The following CAPZA2 variants were observed in gnomAD, a reference collection of about 807,000 sequenced individuals.
CAPZA2 encodes F-actin-capping protein subunit alpha-2.
CAPZA2 carries 13 observed loss-of-function variants against 44.0 expected under a neutral mutation model. That is an observed-to-expected ratio of 0.30 (90% confidence interval 0.19 to 0.47). The LOEUF (loss-of-function observed/expected upper bound fraction) is 0.47. Ranked by LOEUF, CAPZA2 falls within the 20% of genes least tolerant of loss-of-function variation. CAPZA2 has a pLI of 1.00. For synonymous variants in CAPZA2, 94 were observed against 108.2 expected, an observed-to-expected ratio of 0.87 and a Z score of 0.81; for missense variants, 244 against 338.6, an observed-to-expected ratio of 0.72 and a Z score of 2.19.
At chr7:116,887,758 A>G (rs1012459281) in intron 1 of CAPZA2, among the ~76,000 whole-genome samples, 2 of 152,262 alleles carry the variant, frequency 1.3e-5, no homozygotes, top group Non-Finnish European at 2.9e-5. Context: ...ACGTAAACCC[A>G]GGTGGCAGAA....
chr7:116,887,563 G>C (rs1032505585), intron 1 of CAPZA2, among the ~76,000 whole-genome samples: 2 of 152,074 alleles, frequency 1.3e-5, no homozygotes, highest in Non-Finnish European at 2.9e-5. Flanking sequence ...CAGATGTGGT[G>C]GCTCACACCT....
intron 5 of CAPZA2, 21 bp downstream of exon 5, chr7:116,904,404 T>TTG (rs754905566): frequency 2.0e-6 from 3 of 1,480,040 alleles, no homozygotes; most frequent in Non-Finnish European, 2.8e-6. Context: ...AGTAGCAGCT[T>TTG]TGTGTGTGTG....
chr7:116,920,946 G>T lies in CAPZA2; in HGVS notation c.*3079G>T, dbSNP rs1435126493. On this transcript the variant is annotated 3_prime_UTR_variant, in exon 10 of 10. Coordinates refer to ENST00000361183, the MANE Select transcript of CAPZA2 (RefSeq NM_006136.3). The stretch of plus-strand genomic sequence containing the variant: ...CCCAGAGTGAATGACCACATGAAGA[G>T]GGGCAGGGTATGATGATGGTCTGTG... 1 of 152,242 alleles carries T rather than the reference G, an allele frequency of 6.6e-6. No individual in the cohort carries two copies. Among genetic ancestry groups the T allele is most frequent in the Non-Finnish European group, 1.5e-5 (1 of 68,114 alleles). The allele number at this position is 152,242 out of a possible 1,614,324, so 9.4% of individuals were successfully genotyped here.
At chr7:116,895,578 G>A (rs1428126491) in intron 3 of CAPZA2, among the ~76,000 whole-genome samples, 6 of 151,976 alleles carry the variant, frequency 3.9e-5, no homozygotes, top group South Asian at 2.1e-4. Context: ...GATGCTTATA[G>A]TATGACCCTC....
intron 3 of CAPZA2, among the ~76,000 whole-genome samples, chr7:116,896,166 C>CT (rs948201137): frequency 1.9e-4 from 29 of 151,424 alleles, no homozygotes; most frequent in African/African-American, 5.8e-4. Context: ...GCTTTATCTC[C>CT]TTTTTTTTTC....
intron 1 of CAPZA2, among the ~76,000 whole-genome samples, chr7:116,869,684 G>T (rs921030290): frequency 1.3e-5 from 2 of 152,210 alleles, no homozygotes; most frequent in African/African-American, 4.8e-5. Context: ...GCACAAGGGT[G>T]TTGAATGTGG....
rs1791675838 is a variant in CAPZA2, at chr7:116,916,069, C to A, written c.667C>A (p.Gln223Lys). 1.3e-6 allele frequency: 2 copies of A among 1,502,190 alleles called. No individual in the cohort carries two copies. Among genetic ancestry groups the A allele is most frequent in the South Asian group, 1.3e-5 (1 of 75,358 alleles). 93.1% of individuals were successfully genotyped at this position (1,502,190 alleles called of 1,614,324 possible). ...TTTTTTTTTTTTTCAGAATGAAGTG[C>A]AAACAGCAAAAGAATTTATAAAGAT... ...QDSLTVSNEV[Q>K]TAKEFIKIVE... Residue 223 changes from glutamine to lysine, a missense_variant, in exon 9 of 10, where the codon CAA (glutamine) becomes AAA (lysine). Coordinates refer to ENST00000361183, the MANE Select transcript of CAPZA2 (RefSeq NM_006136.3).
intron 1 of CAPZA2, among the ~76,000 whole-genome samples, chr7:116,866,386 T>A (rs112593336): frequency 0.016 from 2,450 of 152,140 alleles, 66 homozygotes; most frequent in African/African-American, 0.056. Flanking sequence ...TTAGCCAGGA[T>A]GGTCTCAATC....
intron 3 of CAPZA2, among the ~76,000 whole-genome samples, chr7:116,894,365 A>G (rs1324975554): frequency 1.3e-5 from 2 of 151,808 alleles, no homozygotes; most frequent in African/African-American, 4.8e-5. Flanking sequence ...CGTCTCAAAA[A>G]AAAAAAAAAA....
Position 116,919,392 on chromosome 7 carries a change from T to C in CAPZA2, c.*1525T>C, listed in dbSNP as rs1191810464. The stretch of plus-strand genomic sequence containing the variant: ...ATATATATATTTGAAAGTTTGATGA[T>C]GGTGAACTAAATACTAGATCTAATT... On this transcript the variant is annotated 3_prime_UTR_variant, in exon 10 of 10. Transcript: ENST00000361183. 6.6e-6 allele frequency: 1 copy of C among 152,348 alleles called. No homozygotes were observed. Among genetic ancestry groups the C allele is most frequent in the East Asian group, 1.9e-4 (1 of 5,192 alleles). The allele number at this position is 152,348 out of a possible 1,614,324, so 9.4% of individuals were successfully genotyped here. A position where few individuals can be genotyped will look rare whatever the true frequency, so the allele number is the denominator to read the frequency against.
chr7:116,888,678 C>CAAAAAAAAAAAA (rs757527471), intron 2 of CAPZA2: 1 of 52,480 alleles, frequency 1.9e-5, no homozygotes, highest in Non-Finnish European at 3.8e-5. Context: ...TTGTCTCTAC[C>CAAAAAAAAAAAA]AAAAAAAAAA....
At chr7:116,895,531 C>T (rs1053886051) in intron 3 of CAPZA2, among the ~76,000 whole-genome samples, 9 of 151,988 alleles carry the variant, frequency 5.9e-5, no homozygotes, top group Non-Finnish European at 1.2e-4. Flanking sequence ...TTTAAGTAAA[C>T]GAGTATTTGA....
At chr7:116,893,090 A>G in intron 3 of CAPZA2, 45 bp downstream of exon 3, 1 of 1,263,408 alleles carries the variant, frequency 7.9e-7, no homozygotes, top group Middle Eastern at 1.9e-4. Context: ...TGACATGGGA[A>G]AACGAGAGAT....
At chr7:116,916,038 A>ATT in intron 8 of CAPZA2, 22 bp from the exon 9 acceptor site, 11 of 1,375,122 alleles carry the variant, frequency 8.0e-6, no homozygotes, top group South Asian at 2.7e-5. Flanking sequence ...TACTATTTTT[A>ATT]TTTTGTTTTT....
chr7:116,893,243 G>A (rs558880805), intron 3 of CAPZA2, among the ~76,000 whole-genome samples, 198 bp downstream of exon 3: 1 of 152,162 alleles, frequency 6.6e-6, no homozygotes, highest in South Asian at 2.1e-4. Context: ...CGATTCTTCT[G>A]CCTCAGCCTC....
intron 1 of CAPZA2, among the ~76,000 whole-genome samples, chr7:116,880,882 A>AT (rs1018820535): frequency 1.4e-4 from 20 of 148,144 alleles, no homozygotes; most frequent in Non-Finnish European, 2.2e-4. Flanking sequence ...TAATTTTTGT[A>AT]TTTTTTAGTA....
intron 1 of CAPZA2, among the ~76,000 whole-genome samples, chr7:116,877,743 G>A (rs1486797988): frequency 6.6e-6 from 1 of 152,208 alleles, no homozygotes; most frequent in East Asian, 1.9e-4. Context: ...CCTTAGAAGA[G>A]CCTTATATAT....
chr7:116,873,971 AT>A, intron 1 of CAPZA2: 1 of 152,986 alleles, frequency 6.5e-6, no homozygotes, highest in South Asian at 2.1e-4. Flanking sequence ...TCTTTCCCTG[AT>A]AAGTTTTTCA....
At chr7:116,864,052 G>T (rs556822991) in intron 1 of CAPZA2, among the ~76,000 whole-genome samples, 1 of 152,064 alleles carries the variant, frequency 6.6e-6, no homozygotes, top group African/African-American at 2.4e-5. Context: ...GCAGATCCCC[G>T]TATCCACAAA....
Sources: gnomAD v4.1 joint callset for allele counts (sites outside exome capture counted in the v4.1 genomes callset) on GRCh38, gnomAD v4.1.1 for gene constraint, MANE v1.5 for transcripts, NCBI Gene and HGNC (gene_info 2026-07-23, HGNC 2026-07-21) for gene names.